The following CROCC2 variants were observed in gnomAD, a reference collection of about 807,000 sequenced individuals.
CROCC2 encodes ciliary rootlet coiled-coil protein 2.
In CROCC2, 163 loss-of-function variants were observed where a neutral mutation model predicts 177.6. The ratio of observed to expected loss-of-function variants is 0.92; its 90% CI spans 0.81 to 1.05. CROCC2 has a LOEUF of 1.05. Ranked by LOEUF, CROCC2 falls within the 50% of genes least tolerant of loss-of-function variation. CROCC2 has a pLI of 0.00. For synonymous variants in CROCC2, 904 were observed against 787.3 expected (o/e 1.15, Z -2.48); for missense variants, 1,929 against 1,797.8 (o/e 1.07, Z -1.32).
At chr2:240,976,009 G>C (rs189064528) in intron 27 of CROCC2, among the ~76,000 whole-genome samples, 16 of 152,308 alleles carry the variant, frequency 1.1e-4, no homozygotes, top group African/African-American at 3.4e-4. Context: ...GGGATTACAG[G>C]AATGAGCCAC....
Position 240,958,284 on chromosome 2 carries a change from C to T in CROCC2, c.2944-1017C>T, listed in dbSNP as rs1031042114. ...GTATCCTGCAGCCAGGCCTCAGGGG[C>T]ACCCATCACTGGCAGTGTTGGGGCA... On this transcript the variant is annotated intron_variant, in intron 19 of 31. Coordinates refer to ENST00000690015, the MANE Select transcript of CROCC2 (RefSeq NM_001351305.2). This position sits in a 1 kb window ranked among gnomAD's most constrained non-coding sequence, Gnocchi z 6.7. 18 of 761,922 alleles carry T rather than the reference C, an allele frequency of 2.4e-5. No individual in the cohort carries two copies. Among genetic ancestry groups the T allele is most frequent in the African/African-American group, 1.9e-5 (1 of 52,800 alleles). 47.2% of individuals were successfully genotyped at this position (761,922 alleles called of 1,614,324 possible).
chr2:240,941,997 C>A (rs2059497762), intron 14 of CROCC2, among the ~76,000 whole-genome samples: 1 of 152,226 alleles, frequency 6.6e-6, no homozygotes, highest in Admixed American at 6.5e-5. Flanking sequence ...GAAAATGCAG[C>A]ATCAAGGCAC....
At chr2:240,966,072 A>G in intron 24 of CROCC2, 79 bp downstream of exon 24, 2 of 1,292,682 alleles carry the variant, frequency 1.5e-6, no homozygotes, top group Non-Finnish European at 2.0e-6. Flanking sequence ...CAGGCCTCAC[A>G]ACTCACACAG....
Position 240,986,149 on chromosome 2 carries a change from G to A in CROCC2, c.4552-2590G>A, listed in dbSNP as rs571067364. On this transcript the variant is annotated intron_variant, in intron 28 of 31. Coordinates refer to ENST00000690015, the MANE Select transcript of CROCC2 (RefSeq NM_001351305.2). ...CCTGCACCGCGACTGGCTCACAAAC[G>A]GGGCTGAGTGGAGAGGGTGGTGCAT... 255 of 348,782 alleles carry A rather than the reference G, an allele frequency of 7.3e-4. 1 individual carries two copies. The Middle Eastern group carries it at 0.013, about 18-fold the overall frequency. 21.6% of individuals were successfully genotyped at this position (348,782 alleles called of 1,614,324 possible).
At position 240,973,549 on chromosome 2, in the gene CROCC2, C is replaced by G. The variant is rs531035984; in HGVS notation, c.4401+5287C>G. 6.8e-4 allele frequency among the ~76,000 whole-genome samples: 103 copies of G among 152,242 alleles called. 1 individual carries two copies. Among genetic ancestry groups the G allele is most frequent in the African/African-American group, 2.4e-3 (98 of 41,528 alleles). Reference sequence around the variant, plus strand: ...CACTGTGCCCACGTGCCACACCCACCCCCCCAGCTCCCCACATCCCCAGTG... The same window carrying G: ...CACTGTGCCCACGTGCCACACCCACGCCCCCAGCTCCCCACATCCCCAGTG... On this transcript the variant is annotated intron_variant, in intron 27 of 31. Coordinates refer to ENST00000690015, the MANE Select transcript of CROCC2 (RefSeq NM_001351305.2). This position sits in a 1 kb window ranked among gnomAD's most constrained non-coding sequence, Gnocchi z 4.7.
At chr2:240,922,406 C>T (rs1268546096) in intron 3 of CROCC2, 133 bp from the exon 4 acceptor site, 2 of 573,684 alleles carry the variant, frequency 3.5e-6, no homozygotes, top group East Asian at 6.2e-5. Context: ...CCAGACCCAA[C>T]CCCAGCCCCT....
intron 14 of CROCC2, among the ~76,000 whole-genome samples, chr2:240,939,210 A>T (rs1236169655): frequency 1.3e-5 from 2 of 152,156 alleles, no homozygotes; most frequent in Admixed American, 1.3e-4. Context: ...TTAAAAAATT[A>T]TAAATGGGTA....
intron 14 of CROCC2, among the ~76,000 whole-genome samples, chr2:240,937,307 G>T (rs1268252144): frequency 2.6e-5 from 4 of 152,112 alleles, no homozygotes; most frequent in African/African-American, 9.7e-5. Context: ...GCATGTATTG[G>T]ATATTCGTAT....
chr2:240,959,230 C>T, intron 19 of CROCC2, 71 bp from the exon 20 acceptor site: 5 of 1,511,562 alleles, frequency 3.3e-6, no homozygotes, highest in South Asian at 1.3e-5. Flanking sequence ...CTCCAGGGTC[C>T]TGGCCTTACC....
intron 28 of CROCC2, 78 bp from the exon 29 acceptor site, chr2:240,988,661 T>G: frequency 2.3e-6 from 3 of 1,280,480 alleles, no homozygotes; most frequent in South Asian, 5.6e-5. Flanking sequence ...GAGGCAACCC[T>G]GTGCTCCCAG....
intron 22 of CROCC2, among the ~76,000 whole-genome samples, chr2:240,964,841 G>C (rs2059668526): frequency 6.6e-6 from 1 of 152,176 alleles, no homozygotes; most frequent in African/African-American, 2.4e-5. Flanking sequence ...GCAAAACCAG[G>C]AATGCTTTAG....
chr2:240,957,818 A>G, intron 19 of CROCC2: 1 of 239,780 alleles, frequency 4.2e-6, no homozygotes, highest in Non-Finnish European at 6.7e-6. Context: ...GCCCAGGAGG[A>G]CCAAGCTTGG....
chr2:240,946,407 A>T lies in CROCC2; in HGVS notation c.2363+154A>T, dbSNP rs985320269. Among the ~76,000 whole-genome samples, 3 of 152,138 alleles carry T rather than the reference A, an allele frequency of 2.0e-5. No individual in the cohort carries two copies. The East Asian group carries it at 5.8e-4, about 29-fold the overall frequency. On this transcript the variant is annotated intron_variant, in intron 15 of 31. Transcript: ENST00000690015. The stretch of plus-strand genomic sequence containing the variant: ...GGGCTGTGAGTGGAGGCGAGCACAG[A>T]GCCTTTGGGTTGGGGGAGGGCATCT...
intron 27 of CROCC2, among the ~76,000 whole-genome samples, chr2:240,975,895 A>C (rs2059759361): frequency 6.6e-6 from 1 of 151,704 alleles, no homozygotes. Flanking sequence ...ACGCCCGGCT[A>C]ATTTTTTGTA....
At position 240,918,814 on chromosome 2, in the gene CROCC2, C is replaced by A; in HGVS notation, c.167C>A (p.Thr56Asn). Residue 56 changes from threonine to asparagine, a missense_variant, in exon 2 of 32, where the codon ACC becomes AAC. By Grantham distance (65) the Thr-to-Asn change is moderately conservative. Coordinates refer to ENST00000690015, the MANE Select transcript of CROCC2 (RefSeq NM_001351305.2). The surrounding 1 kb of genome is among the most constrained non-coding windows in gnomAD (Gnocchi z 6.3). ...GGGGAAGGCCGGCAGGCCTCGCCCA[C>A]CCCCGTGCCCACCCGCATCCGTGAG... ...VRGEGRQASP[T>N]PVPTRIREIV... 1.6e-6 allele frequency: 1 copy of A among 619,356 alleles called. No homozygotes were observed. Among genetic ancestry groups the A allele is most frequent in the Admixed American group, 2.8e-5 (1 of 35,900 alleles). The allele number at this position is 619,356 out of a possible 1,614,324, so 38.4% of individuals were successfully genotyped here. A position where few individuals can be genotyped will look rare whatever the true frequency, so the allele number is the denominator to read the frequency against.
chr2:240,932,031 C>G (rs2059434739), intron 7 of CROCC2, among the ~76,000 whole-genome samples: 2 of 152,380 alleles, frequency 1.3e-5, no homozygotes, highest in African/African-American at 4.8e-5. Context: ...GGCACTCCCT[C>G]TGTTGTGCCA....
At chr2:240,913,572 C>A (rs2059301075) in intron 1 of CROCC2, among the ~76,000 whole-genome samples, 1 of 152,192 alleles carries the variant, frequency 6.6e-6, no homozygotes, top group Non-Finnish European at 1.5e-5. Flanking sequence ...AGTTGTCTCT[C>A]CCCATCCACA....
intron 27 of CROCC2, among the ~76,000 whole-genome samples, chr2:240,969,721 A>G (rs1342078061): frequency 6.6e-6 from 1 of 152,200 alleles, no homozygotes; most frequent in Non-Finnish European, 1.5e-5. Context: ...ACATTTTGAA[A>G]GAGACCTTCT....
At chr2:240,926,530 G>A (rs1235251006) in intron 5 of CROCC2, among the ~76,000 whole-genome samples, 1 of 152,184 alleles carries the variant, frequency 6.6e-6, no homozygotes, top group Admixed American at 6.5e-5. Context: ...AAGGGGGACT[G>A]GACGCCCAGC....
Sources: gnomAD v4.1 joint callset for allele counts (sites outside exome capture counted in the v4.1 genomes callset) on GRCh38, gnomAD v4.1.1 for gene constraint, Gnocchi (gnomAD v3.1) non-coding constraint, MANE v1.5 for transcripts, NCBI Gene and HGNC (gene_info 2026-07-23, HGNC 2026-07-21) for gene names.